DDR2: variants seen among roughly 807,000 people sequenced by gnomAD.
The protein encoded by DDR2 is discoidin domain receptor tyrosine kinase 2.
DDR2 carries 27 observed loss-of-function variants against 94.9 expected under a neutral mutation model. The ratio of observed to expected loss-of-function variants is 0.28; its 90% CI spans 0.21 to 0.39. DDR2 has a LOEUF of 0.39. Among genes scored for constraint, DDR2 ranks in the 10% least tolerant of loss-of-function variants. The pLI, the probability that DDR2 is intolerant of heterozygous loss-of-function variation, is 1.00. For missense variants in DDR2, 783 were observed against 1,076.0 expected (o/e 0.73, Z 3.81); for synonymous variants, 382 against 377.2 (o/e 1.01, Z -0.15).
intron 16 of DDR2, among the ~76,000 whole-genome samples, chr1:162,778,171 C>T (rs1020877551): frequency 1.3e-5 from 2 of 152,200 alleles, no homozygotes; most frequent in African/African-American, 4.8e-5. Flanking sequence ...GTGATTATCA[C>T]TGAACTGGTA....
intron 2 of DDR2, among the ~76,000 whole-genome samples, chr1:162,676,716 T>C (rs1659144361): frequency 6.6e-6 from 1 of 152,182 alleles, no homozygotes; most frequent in African/African-American, 2.4e-5. Flanking sequence ...TGTGCAATGT[T>C]TTTAAAAGTC....
chr1:162,773,674 A>C, intron 14 of DDR2, 78 bp downstream of exon 14: 1 of 1,596,298 alleles, frequency 6.3e-7, no homozygotes, highest in Admixed American at 1.7e-5. Flanking sequence ...ACTTCTGAGC[A>C]ATTTTTTCTT....
intron 7 of DDR2, among the ~76,000 whole-genome samples, chr1:162,758,643 G>A: frequency 6.6e-6 from 1 of 152,164 alleles, no homozygotes; most frequent in East Asian, 1.9e-4. Context: ...GGTCACTGTG[G>A]ATAAGGCCAG....
intron 2 of DDR2, among the ~76,000 whole-genome samples, chr1:162,705,665 G>A (rs1325592820): frequency 6.6e-6 from 1 of 152,148 alleles, no homozygotes; most frequent in Non-Finnish European, 1.5e-5. Context: ...GGAATGAAGA[G>A]GGAGCTGAGC....
chr1:162,773,706 G>C, intron 14 of DDR2, 110 bp downstream of exon 14: 34 of 1,435,286 alleles, frequency 2.4e-5, no homozygotes, highest in Non-Finnish European at 3.3e-5. Context: ...AGGTCAGTGA[G>C]CTGCCTCCCA....
rs548625591 is a variant in DDR2 at position 162,678,699 on chromosome 1, C to A, written c.-28+23325C>A. On this transcript the variant is annotated intron_variant, in intron 2 of 17. Transcript: ENST00000367921. ...CCTTCCCCAGGTAACCTTGTATCTTCCCGTAAAACCGTCTGTCCTCACAAA... is the reference window on the plus strand; with the variant it reads ...CCTTCCCCAGGTAACCTTGTATCTTACCGTAAAACCGTCTGTCCTCACAAA... Among the ~76,000 whole-genome samples the A allele has an allele frequency of 2.6e-5, 4 of 152,310 alleles. No individual in the cohort carries two copies. The South Asian group carries it at 8.3e-4, about 32-fold the overall frequency.
At chr1:162,694,563 C>T (rs1020958522) in intron 2 of DDR2, among the ~76,000 whole-genome samples, 3 of 152,118 alleles carry the variant, frequency 2.0e-5, no homozygotes, top group African/African-American at 7.2e-5. Flanking sequence ...ATCGTTGCCC[C>T]GTCATATCAT....
At chr1:162,658,829 A>AAAATAAATAAATAAATAAATAAAT (rs1658153139) in intron 2 of DDR2, among the ~76,000 whole-genome samples, 11 of 133,602 alleles carry the variant, frequency 8.2e-5, no homozygotes, top group South Asian at 7.8e-4. Context: ...CCTGTCTCAA[A>AAAATAAATAAATAAATAAATAAAT]AAATAAATAA....
chr1:162,718,456 G>A (rs142674744), intron 2 of DDR2, among the ~76,000 whole-genome samples: 405 of 152,198 alleles, frequency 2.7e-3, no homozygotes, highest in African/African-American at 9.5e-3. Flanking sequence ...ATTTCCATAT[G>A]TAACTATTTG....
chr1:162,718,122 T>C (rs1375066215), intron 2 of DDR2, among the ~76,000 whole-genome samples: 1 of 152,248 alleles, frequency 6.6e-6, no homozygotes, highest in African/African-American at 2.4e-5. Context: ...TATAATTCAA[T>C]ACTGCTGTTT....
intron 3 of DDR2, among the ~76,000 whole-genome samples, chr1:162,727,036 A>C (rs1162896669): frequency 6.8e-6 from 1 of 147,246 alleles, no homozygotes; most frequent in Non-Finnish European, 1.5e-5. Context: ...TATATGATAA[A>C]AATTATAAAT....
At chr1:162,732,658 A>G (rs1396110141) in intron 3 of DDR2, among the ~76,000 whole-genome samples, 2 of 152,236 alleles carry the variant, frequency 1.3e-5, no homozygotes, top group African/African-American at 2.4e-5. Flanking sequence ...GCTGACCCCA[A>G]TAATGCCCCT....
intron 7 of DDR2, 46 bp downstream of exon 7, chr1:162,755,815 A>G: frequency 6.9e-7 from 1 of 1,451,846 alleles, no homozygotes; most frequent in Admixed American, 1.7e-5. Context: ...GGCCACTAAG[A>G]AAGAATAATA....
At chr1:162,744,210 C>G (rs2805028) in intron 3 of DDR2, among the ~76,000 whole-genome samples, 2 of 151,792 alleles carry the variant, frequency 1.3e-5, no homozygotes, top group African/African-American at 2.4e-5. Flanking sequence ...TGTAATATAC[C>G]GTATCGTTAA....
chr1:162,737,831 A>AC (rs1662386376), intron 3 of DDR2, among the ~76,000 whole-genome samples: 1 of 142,544 alleles, frequency 7.0e-6, no homozygotes, highest in African/African-American at 2.7e-5. Context: ...TTGTTTCCTG[A>AC]CTTTTTAATG....
At chr1:162,667,251 A>C (rs938604855) in intron 2 of DDR2, among the ~76,000 whole-genome samples, 3 of 152,178 alleles carry the variant, frequency 2.0e-5, no homozygotes, top group African/African-American at 7.2e-5. Context: ...GTAATAAGGC[A>C]CTTGAACACT....
intron 3 of DDR2, among the ~76,000 whole-genome samples, chr1:162,746,398 C>A (rs1027269780): frequency 2.6e-5 from 4 of 152,210 alleles, no homozygotes; most frequent in Non-Finnish European, 4.4e-5. Flanking sequence ...GATCGAACTA[C>A]AAGGTGGCAG....
rs1273082471 is a variant in DDR2 at position 162,775,820 on chromosome 1, C to T, written c.2025C>T (p.Ser675=). 1 of 1,614,082 alleles carries T rather than the reference C, an allele frequency of 6.2e-7. No individual in the cohort carries two copies. The highest frequency in any genetic ancestry group is 1.7e-5 in the Admixed American group (1 of 60,014). ...FLSRHEPPNS[S]SSDVRTVSYT... ...CCCGCCACGAGCCCCCTAATTCTTC[C>T]TCCAGCGATGTACGCACTGTCAGGT... The change falls in exon 15 of 18, where the codon TCC becomes TCT. Residue 675 remains serine (S), a synonymous_variant. Transcript: ENST00000367921.
At chr1:162,681,213 G>A (rs905652307) in intron 2 of DDR2, among the ~76,000 whole-genome samples, 8 of 152,116 alleles carry the variant, frequency 5.3e-5, no homozygotes, top group Non-Finnish European at 1.2e-4. Context: ...CTTGACACAC[G>A]GGAGAAAGGT....
Sources: allele counts gnomAD v4.1 joint callset (sites outside exome capture counted in the v4.1 genomes callset), GRCh38; gene constraint gnomAD v4.1.1; transcripts MANE v1.5; gene names NCBI Gene and HGNC (gene_info 2026-07-23, HGNC 2026-07-21).